Variants in DDX24 observed in about 807,000 individuals in gnomAD.
DDX24 encodes the protein ATP-dependent RNA helicase DDX24.
In DDX24, 24 loss-of-function variants were observed where a neutral mutation model predicts 68.9. That is an observed-to-expected ratio of 0.35 (90% CI 0.25 to 0.49). The LOEUF (loss-of-function observed/expected upper bound fraction) is 0.49. DDX24 is among the 20% of genes least tolerant of loss of function. The pLI, the probability that DDX24 is intolerant of heterozygous loss-of-function variation, is 0.99. For missense variants in DDX24, 989 were observed against 1,039.0 expected (o/e 0.95, Z 0.66); for synonymous variants, 395 against 385.2 (o/e 1.03, Z -0.30).
chr14:94,060,672 T>C (rs1885578214), intron 4 of DDX24, 59 bp from the exon 5 acceptor site: 2 of 1,573,526 alleles, frequency 1.3e-6, no homozygotes, highest in Admixed American at 3.5e-5. Flanking sequence ...GAATCATCTA[T>C]AGCACACCCT....
chr14:94,065,740 A>T (rs1469837283), intron 2 of DDX24, among the ~76,000 whole-genome samples: 2 of 152,182 alleles, frequency 1.3e-5, no homozygotes, highest in South Asian at 4.1e-4. Flanking sequence ...CCACTAGAGA[A>T]GGTGAAGGTC....
chr14:94,079,613 T>G lies in DDX24; in HGVS notation c.130A>C (p.Met44Leu). The G allele has an allele frequency of 6.2e-7, 1 of 1,614,174 alleles. No homozygotes were observed. The highest frequency in any genetic ancestry group is 8.5e-7 in the Non-Finnish European group (1 of 1,180,026). ...IDPNMFADGQ[M>L]DDLVCFEELT... ...TCCTCAAAGCACACCAAGTCATCCA[T>G]CTGTCCATCTGCAAACATATTTGGG... Residue 44 changes from methionine to leucine, a missense_variant, in exon 2 of 9, where the codon ATG (methionine) becomes CTG (leucine). Met to Leu is a conservative substitution (Grantham distance 15, BLOSUM62 2). This residue lies in a region of DDX24 where 295 missense variants were observed against 263.0 expected (regional missense o/e 1.12). Transcript: ENST00000621632.
intron 2 of DDX24, 83 bp downstream of exon 2, chr14:94,078,942 C>T (rs1885999067): frequency 1.4e-6 from 2 of 1,404,144 alleles, no homozygotes; most frequent in Admixed American, 2.2e-5. Flanking sequence ...CTTCAACATT[C>T]TTCTCTCTCC....
At chr14:94,064,989 A>G (rs1427869095) in intron 2 of DDX24, among the ~76,000 whole-genome samples, 1 of 152,078 alleles carries the variant, frequency 6.6e-6, no homozygotes, top group Non-Finnish European at 1.5e-5. Context: ...AGAGTTGCAG[A>G]GCTGGTTGTG....
intron 2 of DDX24, among the ~76,000 whole-genome samples, chr14:94,078,611 T>C (rs1885993980): frequency 6.6e-6 from 1 of 152,198 alleles, no homozygotes; most frequent in Non-Finnish European, 1.5e-5. Context: ...CCTATACTCA[T>C]GAAGATCTAC....
At chr14:94,053,343 A>T in intron 7 of DDX24, 4 of 234,658 alleles carry the variant, frequency 1.7e-5, no homozygotes, top group South Asian at 7.3e-5. Context: ...AGGCACCACC[A>T]TGCCTAGGTA....
rs534076317 is a variant in DDX24, at chr14:94,050,940, T to C, written c.*251A>G. ...CAATGGCTCTGACCATTGTTTTTAA[T>C]TTATGAAATCAAGTTTAACACACAA... is the stretch of plus-strand genomic sequence containing the variant. On this transcript the variant is annotated 3_prime_UTR_variant, in exon 9 of 9. Transcript: ENST00000621632. 3 of 402,136 alleles carry C rather than the reference T, an allele frequency of 7.5e-6. No homozygotes were observed. The highest frequency in any genetic ancestry group is 2.1e-5 in the African/African-American group (1 of 48,408). The allele number at this position is 402,136 out of a possible 1,614,324, so 24.9% of individuals were successfully genotyped here.
chr14:94,080,987 G>T (rs114098399), intron 1 of DDX24, 132 bp downstream of exon 1: 3,111 of 152,328 alleles, frequency 0.02, 61 homozygotes, highest in Admixed American at 0.04. Context: ...TCGGTTGGAC[G>T]GCTTGGGCCG....
chr14:94,079,533 TGAG>T lies in DDX24; in HGVS notation c.207_209del (p.Phe69_Ser70delinsLeu). 1.9e-6 allele frequency: 3 copies of T among 1,614,184 alleles called. No homozygotes were observed. The highest frequency in any genetic ancestry group is 1.7e-6 in the Non-Finnish European group (2 of 1,180,036). ...GTGCCTTTCTCTTGGGTGCTTCCTT[TGAG>T]AAGAGACTGGAGGGATTCTTGGCAG... On this transcript the variant is annotated inframe_deletion, in exon 2 of 9. Transcript: ENST00000621632.
At chr14:94,063,603 G>A (rs774591667) in intron 2 of DDX24, among the ~76,000 whole-genome samples, 13 of 152,228 alleles carry the variant, frequency 8.5e-5, no homozygotes, top group African/African-American at 1.7e-4. Context: ...AAGAGCAACC[G>A]AAACAGTAAC....
intron 5 of DDX24, among the ~76,000 whole-genome samples, chr14:94,058,834 G>A (rs1885537974): frequency 6.6e-6 from 1 of 152,222 alleles, no homozygotes; most frequent in Non-Finnish European, 1.5e-5. Context: ...AGCATTTCCA[G>A]CTTTGTGAAC....
At chr14:94,073,638 TATA>T (rs1389401374) in intron 2 of DDX24, among the ~76,000 whole-genome samples, 1 of 152,088 alleles carries the variant, frequency 6.6e-6, no homozygotes, top group African/African-American at 2.4e-5. Context: ...ATTTAGAGGA[TATA>T]ATAATAATCT....
intron 5 of DDX24, 121 bp downstream of exon 5, chr14:94,059,977 T>A: frequency 2.2e-5 from 25 of 1,145,326 alleles, no homozygotes; most frequent in Non-Finnish European, 2.7e-5. Context: ...AAAGGCTACC[T>A]ACTACTGAGA....
chr14:94,080,947 G>A (rs1886075023), intron 1 of DDX24, among the ~76,000 whole-genome samples, 172 bp downstream of exon 1: 1 of 152,186 alleles, frequency 6.6e-6, no homozygotes, highest in African/African-American at 2.4e-5. Context: ...CGGACAAGGA[G>A]CCCAAGGCGC....
chr14:94,079,012 G>A lies in DDX24; in HGVS notation c.718+13C>T, dbSNP rs1242654513. The A allele has an allele frequency of 1.1e-5, 18 of 1,606,886 alleles. No homozygotes were observed. Among genetic ancestry groups the A allele is most frequent in the Non-Finnish European group, 1.5e-5 (18 of 1,175,576 alleles). ...TCCAGAAGCAATCCTGCTTTGGCCA[G>A]AGTTGCCCTTACCTGTCTCAGCAGC... is the stretch of plus-strand genomic sequence containing the variant. On this transcript the variant is annotated intron_variant, in intron 2 of 8. Transcript: ENST00000621632.
intron 7 of DDX24, chr14:94,053,330 G>T: frequency 2.2e-6 from 1 of 462,774 alleles, no homozygotes. Flanking sequence ...CCAAGCAGCT[G>T]GGAGGCACCA....
chr14:94,076,822 G>A (rs4900212), intron 2 of DDX24, among the ~76,000 whole-genome samples: 48,350 of 151,888 alleles, frequency 0.32, 7,874 homozygotes, highest in Admixed American at 0.39. Context: ...CTTTTTGGGG[G>A]TAATGGATAT....
At position 94,062,395 on chromosome 14, in the gene DDX24, G is replaced by T; in HGVS notation, c.945C>A (p.Ala315=). Reference sequence around the variant, plus strand: ...TGCCTCCAGTCTTGGCTCTGGCCTCGGCTGCAATATCACTGGGCAGTGCTT... The same window carrying T: ...TGCCTCCAGTCTTGGCTCTGGCCTCTGCTGCAATATCACTGGGCAGTGCTT... ...ESEALPSDIA[A]EARAKTGGTV... Residue 315 remains alanine (A), a synonymous_variant, in exon 3 of 9, where the codon GCC becomes GCA. Transcript: ENST00000621632. The T allele has an allele frequency of 6.2e-7, 1 of 1,614,130 alleles. No homozygotes were observed. Among genetic ancestry groups the T allele is most frequent in the Admixed American group, 1.7e-5 (1 of 60,014 alleles).
At chr14:94,080,708 A>AAC (rs1886060687) in intron 1 of DDX24, among the ~76,000 whole-genome samples, 1 of 149,640 alleles carries the variant, frequency 6.7e-6, no homozygotes, top group African/African-American at 2.5e-5. Flanking sequence ...AAAAACAAAA[A>AAC]ACAAACAAAA....
Sources: allele counts gnomAD v4.1 joint callset (sites outside exome capture counted in the v4.1 genomes callset), GRCh38; gene constraint gnomAD v4.1.1; regional missense constraint gnomAD v4.1.1; transcripts MANE v1.5; gene names NCBI Gene and HGNC (gene_info 2026-07-23, HGNC 2026-07-21).